The following PIK3C2B variants were observed in gnomAD, a reference collection of about 807,000 sequenced individuals.
PIK3C2B encodes phosphatidylinositol 4-phosphate 3-kinase C2 domain-containing subunit beta.
In PIK3C2B, 83 loss-of-function variants were observed where a neutral mutation model predicts 184.3. The ratio of observed to expected loss-of-function variants is 0.45; its 90% CI spans 0.38 to 0.54. The LOEUF is 0.54. Ranked by LOEUF, PIK3C2B falls within the 20% of genes least tolerant of loss-of-function variation. PIK3C2B has a pLI of 0.00. For missense variants in PIK3C2B, 1,736 were observed against 2,113.5 expected (o/e 0.82, Z 3.50); for synonymous variants, 779 against 837.6 (o/e 0.93, Z 1.21).
intron 16 of PIK3C2B, among the ~76,000 whole-genome samples, chr1:204,445,458 T>C (rs1406206885): frequency 6.6e-6 from 1 of 151,692 alleles, no homozygotes; most frequent in African/African-American, 2.4e-5. Context: ...TAGTCAGGTG[T>C]GGTGGTGTGC....
At chr1:204,455,469 C>A (rs1654768124) in intron 11 of PIK3C2B, among the ~76,000 whole-genome samples, 2 of 152,034 alleles carry the variant, frequency 1.3e-5, no homozygotes, top group South Asian at 2.1e-4. Flanking sequence ...GCCTAGAGAA[C>A]CCCAGACAAA....
intron 16 of PIK3C2B, among the ~76,000 whole-genome samples, chr1:204,444,771 T>C (rs1220195919): frequency 2.0e-5 from 3 of 152,238 alleles, no homozygotes; most frequent in African/African-American, 7.2e-5. Context: ...TGGAGGGCCC[T>C]GATGTGGGTA....
intron 1 of PIK3C2B, among the ~76,000 whole-genome samples, chr1:204,489,194 A>C (rs1392124139): frequency 6.6e-6 from 1 of 152,118 alleles, no homozygotes; most frequent in Non-Finnish European, 1.5e-5. Flanking sequence ...TCTGTCACCC[A>C]GGCTACAGTG....
chr1:204,446,027 A>C lies in PIK3C2B; in HGVS notation c.2607T>G (p.Pro869=), dbSNP rs369477861. The stretch of plus-strand genomic sequence containing the variant: ...ACTGCTTCAGGAGAACATAGATGTC[A>C]GGCAGGCAAGCCCACTCCCAGCTGG... ...SAPSWEWACL[P]DIYVLLKQWT... Residue 869 remains proline (P), a synonymous_variant, in exon 16 of 33, where the codon CCT becomes CCG. Coordinates refer to ENST00000684373, the MANE Select transcript of PIK3C2B (RefSeq NM_001377334.1). The C allele has an allele frequency of 5.0e-6, 8 of 1,604,236 alleles. No individual in the cohort carries two copies. The African/African-American group carries it at 1.1e-4, about 21-fold the overall frequency.
intron 10 of PIK3C2B, chr1:204,456,346 T>G: frequency 3.9e-6 from 1 of 256,766 alleles, no homozygotes. Flanking sequence ...TAATAATTAT[T>G]GTCAGTTGCT....
chr1:204,429,057 T>A, intron 29 of PIK3C2B: 1 of 316,014 alleles, frequency 3.2e-6, no homozygotes, highest in Non-Finnish European at 6.2e-6. Context: ...ACCCTGTCTT[T>A]ACAAAAAAAA....
Position 204,457,837 on chromosome 1 carries a change from G to A in PIK3C2B, c.1604C>T (p.Ser535Phe). ...FPLKADRVVQSVKAICNALAA... is the reference protein window; with the variant it reads ...FPLKADRVVQFVKAICNALAA... ...CAGGGCGTTGCAGATGGCCTTGACG[G>A]ACTGGACCACCCTGTCAGCCTTCAG... The change falls in exon 9 of 33, where the codon TCC becomes TTC. Residue 535 changes from serine (S) to phenylalanine (F), a missense_variant. Around this residue, in one of 8 missense-constraint regions of PIK3C2B, gnomAD observed 609 missense variants for 699.2 expected, o/e 0.87. Coordinates refer to ENST00000684373, the MANE Select transcript of PIK3C2B (RefSeq NM_001377334.1). 1 of 1,613,424 alleles carries A rather than the reference G, an allele frequency of 6.2e-7. No homozygotes were observed. The highest frequency in any genetic ancestry group is 8.5e-7 in the Non-Finnish European group (1 of 1,179,764).
At chr1:204,470,857 G>A (rs1389275664) in intron 1 of PIK3C2B, among the ~76,000 whole-genome samples, 4 of 152,224 alleles carry the variant, frequency 2.6e-5, no homozygotes, top group Non-Finnish European at 5.9e-5. Context: ...AAATAGCTTT[G>A]CTGAGTAAAA....
At chr1:204,470,325 G>A (rs1318335740) in intron 1 of PIK3C2B, among the ~76,000 whole-genome samples, 5 of 152,026 alleles carry the variant, frequency 3.3e-5, no homozygotes, top group South Asian at 2.1e-4. Flanking sequence ...CCACCACTGC[G>A]CCCGGCTAAT....
At chr1:204,487,349 A>G (rs1657678428) in intron 1 of PIK3C2B, among the ~76,000 whole-genome samples, 3 of 152,212 alleles carry the variant, frequency 2.0e-5, no homozygotes, top group Admixed American at 2.0e-4. Context: ...TTCAACATGT[A>G]TCTACAAACA....
chr1:204,443,295 C>T, intron 19 of PIK3C2B, 122 bp downstream of exon 19: 1 of 879,826 alleles, frequency 1.1e-6, no homozygotes, highest in South Asian at 1.7e-5. Flanking sequence ...CCAGAGTCAG[C>T]TGCTCCCCGC....
intron 4 of PIK3C2B, 50 bp from the exon 5 acceptor site, chr1:204,464,182 T>C: frequency 6.2e-7 from 1 of 1,602,468 alleles, no homozygotes; most frequent in Non-Finnish European, 8.5e-7. Context: ...TCAAGGCAGA[T>C]GGGTCTCAGT....
intron 17 of PIK3C2B, 71 bp downstream of exon 17, chr1:204,444,260 G>A (rs1347436955): frequency 7.5e-6 from 11 of 1,457,444 alleles, no homozygotes; most frequent in Non-Finnish European, 1.1e-5. Flanking sequence ...TTTCTAAGGG[G>A]CAGAATGCAG....
At chr1:204,429,048 C>T (rs963648289) in intron 29 of PIK3C2B, 10 of 347,824 alleles carry the variant, frequency 2.9e-5, no homozygotes, top group African/African-American at 2.3e-4. Flanking sequence ...CATAGTAAAA[C>T]CCTGTCTTTA....
intron 1 of PIK3C2B, among the ~76,000 whole-genome samples, chr1:204,473,024 T>C (rs1656418860): frequency 6.6e-6 from 1 of 152,108 alleles, no homozygotes; most frequent in South Asian, 2.1e-4. Flanking sequence ...TATCAGAAAA[T>C]GTTCATTCTA....
At chr1:204,477,705 T>C (rs900553442) in intron 1 of PIK3C2B, among the ~76,000 whole-genome samples, 2 of 152,184 alleles carry the variant, frequency 1.3e-5, no homozygotes, top group South Asian at 2.1e-4. Flanking sequence ...CCTAACAGAA[T>C]TGTTCTCCTT....
intron 12 of PIK3C2B, among the ~76,000 whole-genome samples, chr1:204,452,608 T>C (rs1051490620): frequency 2.7e-5 from 4 of 150,418 alleles, no homozygotes; most frequent in African/African-American, 4.9e-5. Flanking sequence ...TCTCCTGTCC[T>C]GGCAGTTGTT....
At chr1:204,484,031 G>A (rs1558285815) in intron 1 of PIK3C2B, among the ~76,000 whole-genome samples, 2 of 152,210 alleles carry the variant, frequency 1.3e-5, no homozygotes, top group East Asian at 1.9e-4. Context: ...TTCAAGGTCT[G>A]TGAAACTAGT....
At chr1:204,436,122 C>T (rs538930820) in intron 23 of PIK3C2B, among the ~76,000 whole-genome samples, 2 of 152,344 alleles carry the variant, frequency 1.3e-5, no homozygotes, top group East Asian at 3.9e-4. Context: ...TATAAAGGGA[C>T]ACTCTGCCTC....
Sources: allele counts gnomAD v4.1 joint callset (sites outside exome capture counted in the v4.1 genomes callset), GRCh38; gene constraint gnomAD v4.1.1; regional missense constraint gnomAD v4.1.1; transcripts MANE v1.5; gene names NCBI Gene and HGNC (gene_info 2026-07-23, HGNC 2026-07-21).